Variants in RPGRIP1L observed in about 807,000 individuals in gnomAD.
RPGRIP1L encodes the protein RPGRIP1 like, also known as protein fantom.
Under a neutral mutation model 160.4 loss-of-function variants are expected in RPGRIP1L, and 131 were observed. The ratio of observed to expected loss-of-function variants is 0.82; its 90% CI spans 0.71 to 0.94. RPGRIP1L has a LOEUF of 0.94. Ranked by LOEUF, RPGRIP1L falls within the 40% of genes least tolerant of loss-of-function variation. The probability of loss-of-function intolerance (pLI) is 0.00; values close to 1 mark genes in which losing one functional copy is unlikely to be tolerated. For synonymous variants in RPGRIP1L, 510 were observed against 515.8 expected, an observed-to-expected ratio of 0.99 and a Z score of 0.15; for missense variants, 1,522 against 1,535.8, an observed-to-expected ratio of 0.99 and a Z score of 0.15.
intron 17 of RPGRIP1L, among the ~76,000 whole-genome samples, chr16:53,641,900 A>G (rs1289812651): frequency 6.6e-6 from 1 of 152,118 alleles, no homozygotes; most frequent in Non-Finnish European, 1.5e-5. Flanking sequence ...TCTAAAGAAA[A>G]ATATATTAAT....
Position 53,641,106 on chromosome 16 carries a change from G to A in RPGRIP1L, c.2885C>T (p.Pro962Leu), listed in dbSNP as rs141842001. The A allele has an allele frequency of 4.3e-6, 7 of 1,613,358 alleles. No homozygotes were observed. The highest frequency in any genetic ancestry group is 5.9e-6 in the Non-Finnish European group (7 of 1,179,576). Reference protein sequence around the residue: ...SVSTLVLAPRPKPRQRLTPVD... With the variant: ...SVSTLVLAPRLKPRQRLTPVD... ...AGGTGTTAAACGTTGTCTTGGTTTA[G>A]GTCTTGGTGCCTAAGACAAACCAAC... Residue 962 changes from proline to leucine, a missense_variant, in exon 19 of 27, where the codon CCT (proline) becomes CTT (leucine). Pro to Leu is a moderately conservative substitution (Grantham distance 98). Transcript: ENST00000647211.
At position 53,652,567 on chromosome 16, in the gene RPGRIP1L, C is replaced by CT; in HGVS notation, c.2119dup (p.Ser707LysfsTer55). On this transcript the variant is annotated frameshift_variant, in exon 15 of 27. Transcript: ENST00000647211. LOFTEE classifies it high-confidence loss of function. Reference sequence around the variant, plus strand: ...ACTTGCTGTACAAAATATTCGGCCGCTTTTTTCAAGAATTTCGTGAAATTT... The same window carrying CT: ...ACTTGCTGTACAAAATATTCGGCCGCTTTTTTTCAAGAATTTCGTGAAATTT... 1 of 1,613,968 alleles carries CT rather than the reference C, an allele frequency of 6.2e-7. No homozygotes were observed. Among genetic ancestry groups the CT allele is most frequent in the Non-Finnish European group, 8.5e-7 (1 of 1,179,968 alleles).
In RPGRIP1L at chr16:53,645,549, C is replaced by T. The variant is rs771187685; in HGVS notation, c.2683+76G>A. ...AGAGGTTAGGGTGATTAGTTATAAA[C>T]GAATCATATCCATAACACTAAGGTA... On this transcript the variant is annotated intron_variant, in intron 17 of 26. Transcript: ENST00000647211. 4.8e-5 allele frequency: 66 copies of T among 1,377,066 alleles called. No homozygotes were observed. In the Middle Eastern group the frequency reaches 7.3e-4, roughly 15 times the overall value. 85.3% of individuals were successfully genotyped at this position (1,377,066 alleles called of 1,614,324 possible).
chr16:53,654,862 A>C (rs1967113187), intron 14 of RPGRIP1L, among the ~76,000 whole-genome samples: 1 of 152,206 alleles, frequency 6.6e-6, no homozygotes, highest in Admixed American at 6.5e-5. Flanking sequence ...TACTACTTGG[A>C]ATAAAAGGTA....
At chr16:53,698,656 C>T (rs1277238743) in intron 2 of RPGRIP1L, among the ~76,000 whole-genome samples, 3 of 130,838 alleles carry the variant, frequency 2.3e-5, no homozygotes, top group Non-Finnish European at 4.9e-5. Flanking sequence ...GCCGCCCCGT[C>T]GGGAGGGAGG....
chr16:53,637,972 T>G, intron 20 of RPGRIP1L, 118 bp from the exon 21 acceptor site: 1 of 962,778 alleles, frequency 1.0e-6, no homozygotes, highest in East Asian at 2.5e-5. Context: ...TATACAGATA[T>G]GTAATATGTA....
Position 53,602,344 on chromosome 16 carries a change from C to T in RPGRIP1L, c.3836-156G>A, listed in dbSNP as rs17195472. ...GGTATCTAAAGAATAAACCTTGTCA[C>T]GTGTGCATGGAGATGTGCATTTGAG... On this transcript the variant is annotated intron_variant, in intron 26 of 26. Transcript: ENST00000647211. 4.8e-3 allele frequency among the ~76,000 whole-genome samples: 726 copies of T among 152,254 alleles called. 2 individuals carry two copies. The highest frequency in any genetic ancestry group is 0.01 in the Middle Eastern group (3 of 294).
At chr16:53,642,325 C>T (rs1055845482) in intron 17 of RPGRIP1L, among the ~76,000 whole-genome samples, 4 of 152,068 alleles carry the variant, frequency 2.6e-5, no homozygotes, top group Admixed American at 2.6e-4. Context: ...TCCGGAGTAG[C>T]TGGGACTACA....
In RPGRIP1L at chr16:53,601,330, A is replaced by T. The variant is rs1290775012; in HGVS notation, c.*746T>A. The T allele has an allele frequency of 6.6e-6, 1 of 152,344 alleles. No homozygotes were observed. Among genetic ancestry groups the T allele is most frequent in the African/African-American group, 2.4e-5 (1 of 41,458 alleles). 9.4% of individuals were successfully genotyped at this position (152,344 alleles called of 1,614,324 possible). The stretch of plus-strand genomic sequence containing the variant: ...TTTTCAACGTGTAAATTTCACATCT[A>T]TCTATATAACTATCTCCTTTTTATA... On this transcript the variant is annotated 3_prime_UTR_variant, in exon 27 of 27. Coordinates refer to ENST00000647211, the MANE Select transcript of RPGRIP1L (RefSeq NM_015272.5).
In RPGRIP1L at chr16:53,645,993, T is replaced by G. The variant is rs1966520421; in HGVS notation, c.2315A>C (p.Gln772Pro). 6.2e-7 allele frequency: 1 copy of G among 1,613,942 alleles called. No individual in the cohort carries two copies. The highest frequency in any genetic ancestry group is 1.3e-5 in the African/African-American group (1 of 74,916). ...GPEHMQSLSQ[Q>P]APKTAQLSST... ...ACTGAGTTGAGCAGTTTTGGGTGCT[T>G]GCTGACTTAACTGGAAAAACATACA... The change falls in exon 17 of 27, where the codon CAA becomes CCA. Residue 772 changes from glutamine to proline, a missense_variant. Gln to Pro is a moderately conservative substitution (Grantham distance 76). Coordinates refer to ENST00000647211, the MANE Select transcript of RPGRIP1L (RefSeq NM_015272.5).
At chr16:53,645,393 C>T (rs956607737) in intron 17 of RPGRIP1L, among the ~76,000 whole-genome samples, 1 of 151,308 alleles carries the variant, frequency 6.6e-6, no homozygotes, top group African/African-American at 2.4e-5. Flanking sequence ...TAATTAAATA[C>T]CTTAAGTATT....
chr16:53,650,778 T>C (rs1966846725), intron 15 of RPGRIP1L, among the ~76,000 whole-genome samples: 1 of 152,136 alleles, frequency 6.6e-6, no homozygotes, highest in Non-Finnish European at 1.5e-5. Flanking sequence ...TTCAAATACT[T>C]TCTTCACTTG....
intron 1 of RPGRIP1L, among the ~76,000 whole-genome samples, chr16:53,702,882 A>G (rs1971569313): frequency 6.6e-6 from 1 of 152,112 alleles, no homozygotes; most frequent in African/African-American, 2.4e-5. Context: ...TGTCTCCACT[A>G]AAAAAGGATA....
At chr16:53,686,983 C>A (rs8055834) in intron 5 of RPGRIP1L, among the ~76,000 whole-genome samples, 5,490 of 152,188 alleles carry the variant, frequency 0.036, 142 homozygotes, top group East Asian at 0.089. Context: ...CCAAATATAA[C>A]TTAGTGGTCT....
intron 3 of RPGRIP1L, chr16:53,694,526 G>GT (rs1308385991): frequency 2.0e-5 from 3 of 148,290 alleles, no homozygotes; most frequent in African/African-American, 7.4e-5. Flanking sequence ...GTTTTGTTTT[G>GT]TTTTTTAGAC....
intron 22 of RPGRIP1L, among the ~76,000 whole-genome samples, chr16:53,634,269 ATTTC>A (rs1965696264): frequency 6.6e-6 from 1 of 152,198 alleles, no homozygotes; most frequent in Non-Finnish European, 1.5e-5. Context: ...TGAAGGCCAT[ATTTC>A]TTAATAATGT....
intron 4 of RPGRIP1L, among the ~76,000 whole-genome samples, chr16:53,690,705 T>G (rs552571411): frequency 9.2e-5 from 14 of 152,278 alleles, no homozygotes; most frequent in Middle Eastern, 3.4e-3. Flanking sequence ...ATGGCAAAAC[T>G]AAGGTTCAGA....
Position 53,652,604 on chromosome 16 carries a change from C to T in RPGRIP1L, c.2083G>A (p.Ala695Thr), listed in dbSNP as rs121918200. 7 of 1,613,922 alleles carry T rather than the reference C, an allele frequency of 4.3e-6. No homozygotes were observed. In the South Asian group the frequency reaches 7.7e-5, roughly 18 times the overall value. ...ATTTCGTGAAATTTTAATTGACATG[C>T]TGCAATTGTTTCATATTCTGTGCTA... ...AYSTEYETIA[A>T]CQLKFHEILE... Residue 695 changes from alanine to threonine, a missense_variant, in exon 15 of 27, where the codon GCA becomes ACA. Ala to Thr is a moderately conservative substitution (Grantham distance 58). Transcript: ENST00000647211.
At position 53,665,028 on chromosome 16, in the gene RPGRIP1L, A is replaced by G; in HGVS notation, c.1104-19T>C. On this transcript the variant is annotated intron_variant, in intron 9 of 26. Transcript: ENST00000647211. ...GAAGGCACTGCAAAACACACGTGAC[A>G]TGCAAGGAAAGCTTGGAAATCAGCT... 6.2e-7 allele frequency: 1 copy of G among 1,613,256 alleles called. No individual in the cohort carries two copies. The highest frequency in any genetic ancestry group is 8.5e-7 in the Non-Finnish European group (1 of 1,179,778).
Sources: gnomAD v4.1 joint callset for allele counts (sites outside exome capture counted in the v4.1 genomes callset) on GRCh38, gnomAD v4.1.1 for gene constraint, MANE v1.5 for transcripts, NCBI Gene and HGNC (gene_info 2026-07-23, HGNC 2026-07-21) for gene names.